The following SRPK2 variants were observed in gnomAD, a reference collection of about 807,000 sequenced individuals.
The protein encoded by SRPK2 is SFRS protein kinase 2.
SRPK2 carries 21 observed loss-of-function variants against 90.8 expected under a neutral mutation model. The ratio of observed to expected loss-of-function variants is 0.23; its 90% CI spans 0.16 to 0.33. The LOEUF (loss-of-function observed/expected upper bound fraction) is 0.33. Among genes scored for constraint, SRPK2 ranks in the 10% least tolerant of loss-of-function variants. SRPK2 has a pLI of 1.00. For missense variants in SRPK2, 620 were observed against 869.0 expected, an observed-to-expected ratio of 0.71 and a Z score of 3.60; for synonymous variants, 288 against 311.1, an observed-to-expected ratio of 0.93 and a Z score of 0.78.
chr7:105,346,675 A>G (rs995102249), intron 2 of SRPK2, among the ~76,000 whole-genome samples: 2 of 151,370 alleles, frequency 1.3e-5, no homozygotes, highest in Non-Finnish European at 2.9e-5. Context: ...AACTGATTGA[A>G]CCCCAGCAGG....
At chr7:105,382,356 CA>C (rs1161712672) in intron 2 of SRPK2, among the ~76,000 whole-genome samples, 3 of 151,602 alleles carry the variant, frequency 2.0e-5, no homozygotes, top group Non-Finnish European at 2.9e-5. Flanking sequence ...AGCTCGAGAC[CA>C]GCCTGACCAA....
intron 10 of SRPK2, among the ~76,000 whole-genome samples, chr7:105,142,846 TGGAA>T (rs1264388910): frequency 6.6e-6 from 1 of 152,226 alleles, no homozygotes; most frequent in Non-Finnish European, 1.5e-5. Flanking sequence ...GATAGAAACA[TGGAA>T]TTTCTCAATT....
intron 2 of SRPK2, among the ~76,000 whole-genome samples, chr7:105,343,132 T>C (rs1816024612): frequency 6.6e-6 from 1 of 152,142 alleles, no homozygotes; most frequent in Non-Finnish European, 1.5e-5. Flanking sequence ...TGGCAAACAT[T>C]TGTAAAATGT....
intron 2 of SRPK2, among the ~76,000 whole-genome samples, chr7:105,302,802 T>C (rs1393851876): frequency 6.6e-6 from 1 of 152,114 alleles, no homozygotes; most frequent in Non-Finnish European, 1.5e-5. Context: ...TGCTGGCCCT[T>C]CCTTAAAACA....
chr7:105,301,462 C>T (rs1810545144), intron 2 of SRPK2: 3 of 942,264 alleles, frequency 3.2e-6, no homozygotes, highest in African/African-American at 1.6e-5. Context: ...GCTGCCCTCG[C>T]TTTGTCTTCG....
chr7:105,145,135 G>T (rs1265040220), intron 9 of SRPK2, 148 bp downstream of exon 9: 15 of 370,578 alleles, frequency 4.0e-5, no homozygotes, highest in South Asian at 1.1e-4. Context: ...AAATTAACAA[G>T]ACATTAAGTC....
At position 105,121,511 on chromosome 7, in the gene SRPK2, G is replaced by A. The variant is rs542471613; in HGVS notation, c.1916-3489C>T. 2.6e-5 allele frequency among the ~76,000 whole-genome samples: 4 copies of A among 152,202 alleles called. No individual in the cohort carries two copies. The East Asian group carries it at 7.7e-4, about 29-fold the overall frequency. ...TAGCCTGTCCTCCTTAAAGAATGTG[G>A]AATATCACTTCACCCTTCCTGTGAC... is the stretch of plus-strand genomic sequence containing the variant. On this transcript the variant is annotated intron_variant, in intron 15 of 15. Transcript: ENST00000393651.
chr7:105,155,904 C>T (rs915242668), intron 7 of SRPK2, among the ~76,000 whole-genome samples: 1 of 152,184 alleles, frequency 6.6e-6, no homozygotes, highest in African/African-American at 2.4e-5. Flanking sequence ...AACCAGTAAA[C>T]ATTCATGAAT....
intron 2 of SRPK2, among the ~76,000 whole-genome samples, chr7:105,325,398 A>G (rs1813443411): frequency 6.6e-6 from 1 of 151,128 alleles, no homozygotes; most frequent in African/African-American, 2.4e-5. Flanking sequence ...AATGTCATGC[A>G]GTCCACATAA....
In SRPK2 at chr7:105,207,438, A is replaced by T. The variant is rs2299311; in HGVS notation, c.72-3653T>A. Among the ~76,000 whole-genome samples, 24 of 152,210 alleles carry T rather than the reference A, an allele frequency of 1.6e-4. No homozygotes were observed. The East Asian group carries it at 4.1e-3, about 26-fold the overall frequency. ...TACTCATTAAGTCTATCAACAGATTAAAAAAAACAACTTTCATCAATCCTA... is the reference window on the plus strand; with the variant it reads ...TACTCATTAAGTCTATCAACAGATTTAAAAAAACAACTTTCATCAATCCTA... On this transcript the variant is annotated intron_variant, in intron 2 of 15. Transcript: ENST00000393651.
At position 105,205,117 on chromosome 7, in the gene SRPK2, G is replaced by A. The variant is rs930363922; in HGVS notation, c.72-1332C>T. 2.6e-5 allele frequency among the ~76,000 whole-genome samples: 4 copies of A among 152,106 alleles called. No individual in the cohort carries two copies. The South Asian group carries it at 8.3e-4, about 32-fold the overall frequency. On this transcript the variant is annotated intron_variant, in intron 2 of 15. Coordinates refer to ENST00000393651, the MANE Select transcript of SRPK2 (RefSeq NM_182692.3). ...CTCAACCACTGCCTCTTCTAAACTG[G>A]GCCTCTAAATCCTTGCCCAATCTGA...
chr7:105,198,002 G>T (rs150165799), intron 3 of SRPK2, among the ~76,000 whole-genome samples: 19 of 152,284 alleles, frequency 1.2e-4, no homozygotes, highest in African/African-American at 3.6e-4. Flanking sequence ...ATACACCGAG[G>T]GTTCTGGAAA....
chr7:105,322,748 TA>T (rs35196387), intron 2 of SRPK2, among the ~76,000 whole-genome samples: 46,481 of 145,906 alleles, frequency 0.32, 7,252 homozygotes, highest in East Asian at 0.35. Flanking sequence ...TAACCTCAAT[TA>T]AAAAAAAAAA....
At chr7:105,367,395 T>C (rs1819198268) in intron 2 of SRPK2, among the ~76,000 whole-genome samples, 1 of 152,262 alleles carries the variant, frequency 6.6e-6, no homozygotes, top group East Asian at 1.9e-4. Context: ...CCTGAGTAGC[T>C]GGGACTATAG....
At chr7:105,272,622 T>C (rs1465992618) in intron 2 of SRPK2, among the ~76,000 whole-genome samples, 1 of 152,094 alleles carries the variant, frequency 6.6e-6, no homozygotes, top group Non-Finnish European at 1.5e-5. Context: ...GACCCTCTTT[T>C]CACTCACTGA....
At chr7:105,199,896 TAAAAA>T (rs67036595) in intron 3 of SRPK2, among the ~76,000 whole-genome samples, 1 of 138,022 alleles carries the variant, frequency 7.2e-6, no homozygotes, top group Admixed American at 7.2e-5. Flanking sequence ...TTGTTTAATT[TAAAAA>T]AAAAAAAAAA....
intron 2 of SRPK2, among the ~76,000 whole-genome samples, chr7:105,378,895 G>A (rs931943073): frequency 1.3e-5 from 2 of 152,094 alleles, no homozygotes; most frequent in East Asian, 3.8e-4. Context: ...GCAAAAATGT[G>A]AAGCAAACTT....
intron 10 of SRPK2, 137 bp downstream of exon 10, chr7:105,142,947 T>G (rs1408395711): frequency 8.6e-7 from 1 of 1,160,388 alleles, no homozygotes; most frequent in African/African-American, 1.5e-5. Context: ...TTTCCCATAT[T>G]TCCCAATAGG....
intron 2 of SRPK2, among the ~76,000 whole-genome samples, chr7:105,329,333 G>A (rs949235757): frequency 6.6e-6 from 1 of 152,172 alleles, no homozygotes; most frequent in African/African-American, 2.4e-5. Flanking sequence ...AGGAAGAGAA[G>A]AGTGGGTATT....
Sources: gnomAD v4.1 joint callset for allele counts (sites outside exome capture counted in the v4.1 genomes callset) on GRCh38, gnomAD v4.1.1 for gene constraint, MANE v1.5 for transcripts, NCBI Gene and HGNC (gene_info 2026-07-23, HGNC 2026-07-21) for gene names.